WNT3A: variants seen among roughly 807,000 people sequenced by gnomAD.
WNT3A encodes Wnt family member 3A, also known as protein Wnt-3a.
Under a neutral mutation model 37.0 loss-of-function variants are expected in WNT3A, and 17 were observed. That is an observed-to-expected ratio of 0.46 (90% CI 0.31 to 0.69). The LOEUF is 0.69. Among genes scored for constraint, WNT3A ranks in the 30% least tolerant of loss-of-function variants. The pLI is 0.05. For missense variants in WNT3A, 411 were observed against 510.2 expected (o/e 0.81, Z 1.87); for synonymous variants, 187 against 211.0 (o/e 0.89, Z 0.99).
chr1:228,056,991 C>G (rs1295944916), intron 3 of WNT3A, among the ~76,000 whole-genome samples: 1 of 151,874 alleles, frequency 6.6e-6, no homozygotes, highest in Non-Finnish European at 1.5e-5. Flanking sequence ...AAAAAATTTA[C>G]AAGGCCTTTT....
chr1:228,017,766 C>T (rs890489150), intron 1 of WNT3A, among the ~76,000 whole-genome samples: 4 of 152,064 alleles, frequency 2.6e-5, no homozygotes, highest in Non-Finnish European at 5.9e-5. Context: ...GCGGAGACAG[C>T]GGTGGCTCGG....
intron 2 of WNT3A, among the ~76,000 whole-genome samples, chr1:228,024,125 C>A (rs568469266): frequency 1.3e-5 from 2 of 152,198 alleles, no homozygotes; most frequent in Admixed American, 1.3e-4. Context: ...TGTGTTTGAA[C>A]GCCGTTTTCA....
rs959020361 is a variant in WNT3A at position 228,037,633 on chromosome 1, C to A, written c.314-13023C>A. On this transcript the variant is annotated intron_variant, in intron 2 of 3. Transcript: ENST00000284523. The surrounding 1 kb of genome is among the most constrained non-coding windows in gnomAD (Gnocchi z 4.1). ...CAAAGCCAGGTTGCGACCCCTGACC[C>A]CCCCCATCGGAAAGTGTTGCCGTTT... Among the ~76,000 whole-genome samples, 1 of 152,184 alleles carries A rather than the reference C, an allele frequency of 6.6e-6. No homozygotes were observed. Among genetic ancestry groups the A allele is most frequent in the Non-Finnish European group, 1.5e-5 (1 of 68,020 alleles).
At chr1:228,046,051 C>G (rs908824232) in intron 2 of WNT3A, among the ~76,000 whole-genome samples, 6 of 152,208 alleles carry the variant, frequency 3.9e-5, no homozygotes, top group African/African-American at 1.4e-4. Context: ...CCGCTCCCCT[C>G]AGAGCAGGCA....
chr1:228,060,383 G>T lies in WNT3A; in HGVS notation c.*918G>T, dbSNP rs544488678. ...CGCCTGGCTTTGGAATGCTCCAGGC[G>T]CGCCGACGCCTGTGCCACCCCTTCC... is the stretch of plus-strand genomic sequence containing the variant. On this transcript the variant is annotated 3_prime_UTR_variant, in exon 4 of 4. Transcript: ENST00000284523. 1 of 1,119,638 alleles carries T rather than the reference G, an allele frequency of 8.9e-7. No individual in the cohort carries two copies. Among genetic ancestry groups the T allele is most frequent in the Admixed American group, 2.2e-5 (1 of 46,188 alleles). The allele number at this position is 1,119,638 out of a possible 1,614,324, so 69.4% of individuals were successfully genotyped here. A position where few individuals can be genotyped will look rare whatever the true frequency, so the allele number is the denominator to read the frequency against.
intron 2 of WNT3A, among the ~76,000 whole-genome samples, chr1:228,043,433 G>A (rs746355487): frequency 1.3e-5 from 2 of 152,172 alleles, no homozygotes; most frequent in East Asian, 1.9e-4. Flanking sequence ...TGGGAACTCC[G>A]ACAGTCCACT....
At chr1:228,027,861 A>G (rs1287372223) in intron 2 of WNT3A, among the ~76,000 whole-genome samples, 3 of 152,154 alleles carry the variant, frequency 2.0e-5, no homozygotes, top group African/African-American at 7.2e-5. Context: ...GTTGATGTCT[A>G]GAAGAGTTTT....
At chr1:228,055,061 G>A (rs2031643578) in intron 3 of WNT3A, among the ~76,000 whole-genome samples, 2 of 148,576 alleles carry the variant, frequency 1.3e-5, no homozygotes, top group East Asian at 2.0e-4. Flanking sequence ...TTGAATCCAG[G>A]AGGCGGAGGT....
rs781391433 is a variant in WNT3A, at chr1:228,022,760, C to T, written c.165C>T (p.Phe55=). The T allele has an allele frequency of 6.2e-7, 1 of 1,614,190 alleles. No individual in the cohort carries two copies. Among genetic ancestry groups the T allele is most frequent in the East Asian group, 2.2e-5 (1 of 44,872 alleles). Residue 55 remains phenylalanine (F), a synonymous_variant, in exon 2 of 4, where the codon TTC becomes TTT. Transcript: ENST00000284523. ...GCCTGGTCCCCAAGCAGCTCCGCTT[C>T]TGCAGGAACTACGTGGAGATCATGC... ...IPGLVPKQLR[F]CRNYVEIMPS... is the part of the protein sequence containing the mutation.
At chr1:228,057,675 T>C (rs548633983) in intron 3 of WNT3A, among the ~76,000 whole-genome samples, 96 of 152,280 alleles carry the variant, frequency 6.3e-4, no homozygotes, top group African/African-American at 2.2e-3. Context: ...CAGAGCCCAG[T>C]TGAAGCCTTA....
chr1:228,046,188 G>C (rs533022352), intron 2 of WNT3A, among the ~76,000 whole-genome samples: 1 of 152,382 alleles, frequency 6.6e-6, no homozygotes, highest in South Asian at 2.1e-4. Flanking sequence ...AGATCCAGAG[G>C]GGGCCTGGCA....
At chr1:228,027,737 G>A (rs906665316) in intron 2 of WNT3A, among the ~76,000 whole-genome samples, 4 of 152,164 alleles carry the variant, frequency 2.6e-5, no homozygotes, top group Admixed American at 2.6e-4. Context: ...TGTTTACTCT[G>A]ATGATTATTT....
At chr1:228,043,294 T>G (rs1467312748) in intron 2 of WNT3A, among the ~76,000 whole-genome samples, 1 of 152,208 alleles carries the variant, frequency 6.6e-6, no homozygotes, top group African/African-American at 2.4e-5. Context: ...ATAAAAGTCT[T>G]GGGCCTGAAT....
chr1:228,023,004 G>A, intron 2 of WNT3A, 96 bp downstream of exon 2: 1 of 1,509,062 alleles, frequency 6.6e-7, no homozygotes. Context: ...CACACGGTGG[G>A]AACAGTGCCT....
chr1:228,039,133 G>A lies in WNT3A; in HGVS notation c.314-11523G>A, dbSNP rs1214721944. On this transcript the variant is annotated intron_variant, in intron 2 of 3. Transcript: ENST00000284523. The surrounding 1 kb of genome is among the most constrained non-coding windows in gnomAD (Gnocchi z 4.1). ...GTCAGCATTGCCAGGGGAAAGAGACGAAGCCACAGGTTTCCAGGGGCTGGG... is the reference window on the plus strand; with the variant it reads ...GTCAGCATTGCCAGGGGAAAGAGACAAAGCCACAGGTTTCCAGGGGCTGGG... Among the ~76,000 whole-genome samples, 4 of 152,142 alleles carry A rather than the reference G, an allele frequency of 2.6e-5. No homozygotes were observed. Among genetic ancestry groups the A allele is most frequent in the Admixed American group, 1.3e-4 (2 of 15,284 alleles).
At chr1:228,052,236 C>T (rs545220066) in intron 3 of WNT3A, among the ~76,000 whole-genome samples, 68 of 152,150 alleles carry the variant, frequency 4.5e-4, no homozygotes, top group Non-Finnish European at 8.2e-4. Flanking sequence ...CTCCACGTCC[C>T]GGGTTCAAGC....
intron 2 of WNT3A, among the ~76,000 whole-genome samples, chr1:228,029,346 C>T (rs2030940198): frequency 6.6e-6 from 1 of 152,164 alleles, no homozygotes; most frequent in South Asian, 2.1e-4. Context: ...ACATGTAGGG[C>T]GGAATGTGCA....
intron 1 of WNT3A, among the ~76,000 whole-genome samples, chr1:228,010,462 G>A (rs963770911): frequency 7.9e-5 from 12 of 152,312 alleles, no homozygotes; most frequent in South Asian, 6.2e-4. Flanking sequence ...TCCTGCTTCC[G>A]TTCTCAGTCC....
At chr1:228,047,455 G>A (rs561043714) in intron 2 of WNT3A, among the ~76,000 whole-genome samples, 14 of 152,170 alleles carry the variant, frequency 9.2e-5, no homozygotes, top group East Asian at 1.9e-4. Context: ...GTGTTGGGCC[G>A]TGTGGGAGCG....
Sources: allele counts gnomAD v4.1 joint callset (sites outside exome capture counted in the v4.1 genomes callset), GRCh38; gene constraint gnomAD v4.1.1; non-coding constraint Gnocchi (gnomAD v3.1); transcripts MANE v1.5; gene names NCBI Gene and HGNC (gene_info 2026-07-23, HGNC 2026-07-21).